Variants in LPP observed in about 807,000 individuals in gnomAD.
LPP encodes the protein LIM domain containing preferred translocation partner in lipoma.
LPP carries 38 observed loss-of-function variants against 60.4 expected under a neutral mutation model. The observed-to-expected ratio is 0.63, with a 90% CI of 0.49 to 0.83. The LOEUF is 0.83. Among genes scored for constraint, LPP ranks in the 40% least tolerant of loss-of-function variants. The probability of loss-of-function intolerance (pLI) is 0.00; values close to 1 mark genes in which losing one functional copy is unlikely to be tolerated. For synonymous variants in LPP, 328 were observed against 290.8 expected (o/e 1.13, Z -1.30); for missense variants, 902 against 783.6 (o/e 1.15, Z -1.80).
At chr3:188,589,613 T>A (rs1360057487) in intron 6 of LPP, among the ~76,000 whole-genome samples, 4 of 152,194 alleles carry the variant, frequency 2.6e-5, no homozygotes. Flanking sequence ...AGTTTTAACA[T>A]CCTGTATCCT....
At chr3:188,657,034 C>T (rs945273851) in intron 7 of LPP, among the ~76,000 whole-genome samples, 10 of 151,914 alleles carry the variant, frequency 6.6e-5, no homozygotes, top group African/African-American at 2.4e-4. Context: ...ATATTTGATC[C>T]CTACTTTCTC....
chr3:188,224,596 T>A (rs1442876708), intron 1 of LPP, among the ~76,000 whole-genome samples: 3 of 152,096 alleles, frequency 2.0e-5, no homozygotes, highest in South Asian at 4.1e-4. Flanking sequence ...GGTTCTGCAG[T>A]CTGTATAAGC....
chr3:188,659,000 G>T (rs936894620), intron 7 of LPP, among the ~76,000 whole-genome samples: 7 of 152,168 alleles, frequency 4.6e-5, no homozygotes, highest in Admixed American at 3.9e-4. Context: ...TGTCTTTCAG[G>T]AAACACAAGG....
At chr3:188,850,535 G>A (rs1054703911) in intron 9 of LPP, among the ~76,000 whole-genome samples, 7 of 151,698 alleles carry the variant, frequency 4.6e-5, no homozygotes, top group African/African-American at 1.5e-4. Flanking sequence ...AATCTAAGAG[G>A]GTCAAGTCAA....
At chr3:188,697,862 T>C (rs1165606913) in intron 7 of LPP, among the ~76,000 whole-genome samples, 1 of 146,884 alleles carries the variant, frequency 6.8e-6, no homozygotes, top group African/African-American at 2.8e-5. Flanking sequence ...AATTATCAGA[T>C]GTACTATTTT....
chr3:188,199,030 TCTCAGCTGGAAGA>T (rs1179769370), intron 1 of LPP, among the ~76,000 whole-genome samples: 1 of 152,148 alleles, frequency 6.6e-6, no homozygotes, highest in Non-Finnish European at 1.5e-5. Flanking sequence ...ATGCCTGGGA[TCTCAGCTGGAAGA>T]CTCGAAGGCT....
At chr3:188,861,787 C>G (rs1254274677) in intron 9 of LPP, among the ~76,000 whole-genome samples, 2 of 152,156 alleles carry the variant, frequency 1.3e-5, no homozygotes, top group Non-Finnish European at 2.9e-5. Flanking sequence ...TTGTTAGTTT[C>G]ACTGAGTTTT....
At chr3:188,492,985 T>G (rs1412018441) in intron 5 of LPP, among the ~76,000 whole-genome samples, 1 of 152,186 alleles carries the variant, frequency 6.6e-6, no homozygotes, top group East Asian at 1.9e-4. Context: ...AACTGTAACT[T>G]TTACCTGTTT....
chr3:188,783,206 A>G (rs1322774581), intron 9 of LPP, among the ~76,000 whole-genome samples: 3 of 152,086 alleles, frequency 2.0e-5, no homozygotes, highest in Admixed American at 2.0e-4. Flanking sequence ...CTCTGTAGCT[A>G]TTGCTTTATC....
intron 2 of LPP, among the ~76,000 whole-genome samples, chr3:188,285,142 T>C (rs1459345059): frequency 6.6e-6 from 1 of 152,162 alleles, no homozygotes; most frequent in Non-Finnish European, 1.5e-5. Flanking sequence ...TGCCTCAGCT[T>C]TTTCCTCTGT....
chr3:188,851,466 C>T (rs939257383), intron 9 of LPP, among the ~76,000 whole-genome samples: 1 of 152,216 alleles, frequency 6.6e-6, no homozygotes, highest in African/African-American at 2.4e-5. Flanking sequence ...TTTGAAACCA[C>T]ATTTTCCCCT....
At chr3:188,450,067 T>C (rs909637413) in intron 4 of LPP, among the ~76,000 whole-genome samples, 1 of 152,152 alleles carries the variant, frequency 6.6e-6, no homozygotes, top group Non-Finnish European at 1.5e-5. Context: ...ACTCCCAAAA[T>C]GCTGGGATTA....
intron 8 of LPP, among the ~76,000 whole-genome samples, chr3:188,757,710 T>C (rs145797895): frequency 9.8e-4 from 149 of 152,214 alleles, no homozygotes; most frequent in Admixed American, 1.8e-3. Context: ...AAATGTAAAA[T>C]TACAGCTTTC....
intron 2 of LPP, among the ~76,000 whole-genome samples, chr3:188,328,386 T>C (rs898998780): frequency 2.6e-5 from 4 of 152,192 alleles, no homozygotes; most frequent in Non-Finnish European, 5.9e-5. Flanking sequence ...GTCATCTTCA[T>C]TAATATCACT....
At chr3:188,708,517 T>G in intron 8 of LPP, 124 bp downstream of exon 8, 1 of 1,263,802 alleles carries the variant, frequency 7.9e-7, no homozygotes, top group Non-Finnish European at 1.1e-6. Context: ...AGAGTTGATA[T>G]ACATCCCCGC....
At chr3:188,617,050 G>A (rs1472987331) in intron 7 of LPP, among the ~76,000 whole-genome samples, 2 of 151,936 alleles carry the variant, frequency 1.3e-5, no homozygotes, top group East Asian at 3.9e-4. Context: ...TTTCCTTTAT[G>A]GATAAGCCTA....
rs1725529744 is a variant in LPP, at chr3:188,182,833, A to G, written c.-190+28581A>G. ...CATATATAATATATGTACATATAAT[A>G]TACATACACACACATGCCCAGCCCT... On this transcript the variant is annotated intron_variant, in intron 1 of 11. Transcript: ENST00000617246. The surrounding 1 kb of genome is among the most constrained non-coding windows in gnomAD (Gnocchi z 4.4). 6.6e-6 allele frequency among the ~76,000 whole-genome samples: 1 copy of G among 151,684 alleles called. No individual in the cohort carries two copies.
At chr3:188,401,879 G>T (rs1222506291) in intron 3 of LPP, among the ~76,000 whole-genome samples, 1 of 152,146 alleles carries the variant, frequency 6.6e-6, no homozygotes, top group Admixed American at 6.5e-5. Flanking sequence ...TGCAAGATTT[G>T]CCTTCAAGGA....
intron 9 of LPP, among the ~76,000 whole-genome samples, chr3:188,818,537 C>A (rs1336031848): frequency 6.6e-6 from 1 of 152,236 alleles, no homozygotes; most frequent in Non-Finnish European, 1.5e-5. Flanking sequence ...TACTCTAAGG[C>A]CCTGCAAAAA....
Sources: allele counts gnomAD v4.1 joint callset (sites outside exome capture counted in the v4.1 genomes callset), GRCh38; gene constraint gnomAD v4.1.1; non-coding constraint Gnocchi (gnomAD v3.1); transcripts MANE v1.5; gene names NCBI Gene and HGNC (gene_info 2026-07-23, HGNC 2026-07-21).